Variants in CAST observed in about 807,000 individuals in gnomAD.
CAST encodes the protein calpastatin, also known as MIR583 host.
A neutral mutation model predicts 119.6 loss-of-function variants in CAST; 76 were observed. That is an observed-to-expected ratio of 0.64 (90% CI 0.53 to 0.77). The LOEUF is 0.77. Among genes scored for constraint, CAST ranks in the 30% least tolerant of loss-of-function variants. The pLI, the probability that CAST is intolerant of heterozygous loss-of-function variation, is 0.00. For missense variants in CAST, 953 were observed against 946.5 expected (o/e 1.01, Z -0.09); for synonymous variants, 319 against 331.6 (o/e 0.96, Z 0.41).
the CAST span, among the ~76,000 whole-genome samples, chr5:96,042,910 T>G: frequency 6.6e-6 from 1 of 152,180 alleles, no homozygotes; most frequent in African/African-American, 2.4e-5. Flanking sequence ...TTATATTATT[T>G]TATACTGTGT....
the CAST span, among the ~76,000 whole-genome samples, chr5:96,418,212 A>G: frequency 6.6e-6 from 1 of 151,592 alleles, no homozygotes; most frequent in Non-Finnish European, 1.5e-5. Flanking sequence ...GAGAGAAAGA[A>G]AAGTGTTCCT....
At chr5:96,499,332 C>G in the CAST span, among the ~76,000 whole-genome samples, 1 of 152,200 alleles carries the variant, frequency 6.6e-6, no homozygotes, top group African/African-American at 2.4e-5. Flanking sequence ...ATGCAAGTCA[C>G]AAGAACTTTC....
At chr5:96,190,215 T>G in the CAST span, among the ~76,000 whole-genome samples, 2 of 152,256 alleles carry the variant, frequency 1.3e-5, no homozygotes, top group Admixed American at 1.3e-4. Context: ...AGCCTGTACT[T>G]TTTTCAGGCA....
At position 96,754,081 on chromosome 5, in the gene CAST, G is replaced by C; in HGVS notation, c.1546G>C (p.Ala516Pro). ...ATLKGTVPDDAVEALADSLGK... is the reference protein window; with the variant it reads ...ATLKGTVPDDPVEALADSLGK... Reference sequence around the variant, plus strand: ...TCAGAAGGGCACAGTGCCAGATGATGCTGTAGAAGCCTTGGCTGATAGCCT... The same window carrying C: ...TCAGAAGGGCACAGTGCCAGATGATCCTGTAGAAGCCTTGGCTGATAGCCT... The change falls in exon 21 of 32, where the codon GCT becomes CCT. Residue 516 changes from alanine to proline, a missense_variant. Ala to Pro is a conservative substitution (Grantham distance 27). Coordinates refer to ENST00000675179, the MANE Select transcript of CAST (RefSeq NM_001750.7). 1 of 1,613,288 alleles carries C rather than the reference G, an allele frequency of 6.2e-7. No individual in the cohort carries two copies. Among genetic ancestry groups the C allele is most frequent in the South Asian group, 1.1e-5 (1 of 91,068 alleles).
In CAST at chr5:96,733,961, TG is replaced by T. The variant is rs1359129412; in HGVS notation, c.631-2207del. Among the ~76,000 whole-genome samples, 11 of 151,596 alleles carry T rather than the reference TG, an allele frequency of 7.3e-5. No individual in the cohort carries two copies. The East Asian group carries it at 2.1e-3, about 29-fold the overall frequency. ...GCTATAGGCTGGCCTGTCTAGGGGG[TG>T]GGGAAAAGACAATGTACCTGGGGCT... On this transcript the variant is annotated intron_variant, in intron 9 of 31. Coordinates refer to ENST00000675179, the MANE Select transcript of CAST (RefSeq NM_001750.7).
chr5:96,499,058 A>T, the CAST span, among the ~76,000 whole-genome samples: 1 of 152,114 alleles, frequency 6.6e-6, no homozygotes, highest in East Asian at 1.9e-4. Flanking sequence ...AAAAGAAAAA[A>T]AGAAAACATT....
chr5:96,371,330 C>T, the CAST span, among the ~76,000 whole-genome samples: 2 of 152,192 alleles, frequency 1.3e-5, no homozygotes, highest in African/African-American at 4.8e-5. Flanking sequence ...CTCCCCACCT[C>T]ATGTAGATGC....
At chr5:96,742,834 T>C in intron 16 of CAST, 78 bp downstream of exon 16, 2 of 977,166 alleles carry the variant, frequency 2.0e-6, no homozygotes, top group Non-Finnish European at 3.2e-6. Context: ...ATGTTTAGAA[T>C]TCTCGCACAA....
At chr5:96,750,479 C>A in intron 19 of CAST, 108 bp from the exon 20 acceptor site, 1 of 604,424 alleles carries the variant, frequency 1.7e-6, no homozygotes, top group Non-Finnish European at 3.0e-6. Flanking sequence ...TCAAGAGAAT[C>A]ATGTTCACAC....
At chr5:96,127,037 C>T in the CAST span, among the ~76,000 whole-genome samples, 44 of 152,142 alleles carry the variant, frequency 2.9e-4, no homozygotes, top group Admixed American at 1.6e-3. Context: ...TCCAAATCTT[C>T]GTTGGCAATG....
the CAST span, among the ~76,000 whole-genome samples, chr5:96,167,651 G>C: frequency 1.3e-5 from 2 of 152,108 alleles, no homozygotes; most frequent in Admixed American, 1.3e-4. Flanking sequence ...AATAAAGGTT[G>C]GTCCATTATC....
the CAST span, among the ~76,000 whole-genome samples, chr5:96,114,418 A>G: frequency 2.0e-5 from 3 of 152,300 alleles, no homozygotes; most frequent in South Asian, 4.1e-4. Flanking sequence ...GAGCCCAGAG[A>G]GGAAGAGTTC....
chr5:96,258,614 C>T, the CAST span, among the ~76,000 whole-genome samples: 1 of 152,142 alleles, frequency 6.6e-6, no homozygotes, highest in Non-Finnish European at 1.5e-5. Context: ...GTTTCTGGTA[C>T]ATGACACATT....
At chr5:96,068,732 T>C in the CAST span, among the ~76,000 whole-genome samples, 4 of 151,394 alleles carry the variant, frequency 2.6e-5, no homozygotes, top group Non-Finnish European at 5.9e-5. Flanking sequence ...TACATATGCA[T>C]AGTAAATGTG....
intron 1 of CAST, among the ~76,000 whole-genome samples, chr5:96,573,889 G>A (rs1190664428): frequency 6.6e-6 from 1 of 151,996 alleles, no homozygotes; most frequent in African/African-American, 2.4e-5. Flanking sequence ...TTTGTTTCTG[G>A]CCTGTTTTGA....
chr5:96,676,715 A>G (rs1370847872), intron 2 of CAST, among the ~76,000 whole-genome samples: 1 of 151,130 alleles, frequency 6.6e-6, no homozygotes, highest in Non-Finnish European at 1.5e-5. Flanking sequence ...ATAAATTTCC[A>G]TTAAAAAAAA....
At chr5:96,408,142 A>C in the CAST span, 2 of 977,664 alleles carry the variant, frequency 2.0e-6, no homozygotes, top group Non-Finnish European at 3.2e-6. Context: ...TCCTGTAACC[A>C]TGTATTCAGA....
chr5:96,303,045 G>C, the CAST span, among the ~76,000 whole-genome samples: 15 of 152,328 alleles, frequency 9.8e-5, no homozygotes, highest in African/African-American at 3.4e-4. Context: ...TGTATAAAGA[G>C]AAGCAGTTCA....
At chr5:96,643,967 A>C (rs374788283) in intron 1 of CAST, among the ~76,000 whole-genome samples, 16 of 151,946 alleles carry the variant, frequency 1.1e-4, no homozygotes, top group South Asian at 4.2e-4. Context: ...AATTGCTTGA[A>C]CCCAGGCCGC....
Sources: gnomAD v4.1 joint callset for allele counts (sites outside exome capture counted in the v4.1 genomes callset) on GRCh38, gnomAD v4.1.1 for gene constraint, MANE v1.5 for transcripts, NCBI Gene and HGNC (gene_info 2026-07-23, HGNC 2026-07-21) for gene names.